Variants in DNAH11 observed in about 807,000 individuals in gnomAD.
DNAH11 encodes axonemal beta dynein heavy chain 11.
In DNAH11, 442 loss-of-function variants were observed where a neutral mutation model predicts 526.0. The ratio of observed to expected loss-of-function variants is 0.84; its 90% CI spans 0.78 to 0.91. The LOEUF (loss-of-function observed/expected upper bound fraction) is 0.91. Ranked by LOEUF, DNAH11 falls within the 40% of genes least tolerant of loss-of-function variation. The pLI is 0.00. For missense variants in DNAH11, 6,989 were observed against 5,448.7 expected (o/e 1.28, Z -8.90); for synonymous variants, 2,461 against 1,935.9 (o/e 1.27, Z -7.12).
At chr7:21,661,347 G>C (rs956090971) in intron 30 of DNAH11, among the ~76,000 whole-genome samples, 1 of 151,920 alleles carries the variant, frequency 6.6e-6, no homozygotes, top group Non-Finnish European at 1.5e-5. Context: ...TTAGGAGTTT[G>C]TGCAGTGGTG....
chr7:21,736,827 A>G (rs1278420693), intron 46 of DNAH11, among the ~76,000 whole-genome samples: 1 of 152,194 alleles, frequency 6.6e-6, no homozygotes, highest in Non-Finnish European at 1.5e-5. Context: ...CTGTCCCCCA[A>G]AAAGAGCCAA....
intron 63 of DNAH11, among the ~76,000 whole-genome samples, chr7:21,813,615 T>C (rs948095095): frequency 3.9e-5 from 6 of 152,208 alleles, no homozygotes; most frequent in East Asian, 1.9e-4. Context: ...TTTGGTGTTA[T>C]AACTAATTTC....
At chr7:21,628,828 T>G (rs1042580416) in intron 25 of DNAH11, among the ~76,000 whole-genome samples, 1 of 152,158 alleles carries the variant, frequency 6.6e-6, no homozygotes, top group Non-Finnish European at 1.5e-5. Context: ...TAAAGGCTTA[T>G]CAATTTTATC....
intron 35 of DNAH11, among the ~76,000 whole-genome samples, chr7:21,694,800 C>T (rs1348383984): frequency 6.6e-6 from 1 of 152,174 alleles, no homozygotes; most frequent in African/African-American, 2.4e-5. Context: ...GGTTGAACCA[C>T]TTTACACTCC....
Position 21,606,679 on chromosome 7 carries a change from A to G in DNAH11, c.3798A>G (p.Arg1266=). The change falls in exon 20 of 82, where the codon AGA becomes AGG. Residue 1266 remains arginine (R), a synonymous_variant. Coordinates refer to ENST00000409508, the MANE Select transcript of DNAH11 (RefSeq NM_001277115.2). ...AKQAEFRERF[R]HYAPLGFNAE... ...AGGCAGAGTTCAGAGAGAGATTCAGACACTATGCCCCTCTTGGATTTAATG... is the reference window on the plus strand; with the variant it reads ...AGGCAGAGTTCAGAGAGAGATTCAGGCACTATGCCCCTCTTGGATTTAATG... 1 of 1,607,456 alleles carries G rather than the reference A, an allele frequency of 6.2e-7. No homozygotes were observed. Among genetic ancestry groups the G allele is most frequent in the Non-Finnish European group, 8.5e-7 (1 of 1,178,686 alleles).
intron 76 of DNAH11, among the ~76,000 whole-genome samples, chr7:21,891,300 A>C (rs1328872499): frequency 2.0e-5 from 3 of 152,332 alleles, no homozygotes; most frequent in Non-Finnish European, 4.4e-5. Context: ...GACTCAGAAA[A>C]TCTAGGTAGA....
At chr7:21,721,150 C>T (rs2965417) in intron 44 of DNAH11, among the ~76,000 whole-genome samples, 3 of 152,208 alleles carry the variant, frequency 2.0e-5, no homozygotes. Context: ...CAAGAAGCCC[C>T]ACTCAGTGTG....
chr7:21,783,875 C>T (rs749665283), intron 57 of DNAH11, among the ~76,000 whole-genome samples: 3 of 152,102 alleles, frequency 2.0e-5, no homozygotes, highest in Non-Finnish European at 4.4e-5. Flanking sequence ...ACCAGTAATT[C>T]GTCTTCACTA....
chr7:21,781,192 C>G (rs911073554), intron 57 of DNAH11, among the ~76,000 whole-genome samples: 6 of 152,190 alleles, frequency 3.9e-5, no homozygotes, highest in African/African-American at 1.4e-4. Context: ...GATCTCAAGT[C>G]TTCAAACATG....
At chr7:21,585,095 G>T (rs997181558) in intron 9 of DNAH11, among the ~76,000 whole-genome samples, 1 of 151,992 alleles carries the variant, frequency 6.6e-6, no homozygotes, top group African/African-American at 2.4e-5. Context: ...TTAGGTAAAA[G>T]GTTTTTTTCT....
chr7:21,583,791 A>G (rs1043691306), intron 9 of DNAH11, among the ~76,000 whole-genome samples: 1 of 152,362 alleles, frequency 6.6e-6, no homozygotes, highest in East Asian at 1.9e-4. Flanking sequence ...ACACTTCTCA[A>G]AAAGAGACAT....
chr7:21,705,927 A>T (rs1344995456), intron 39 of DNAH11, among the ~76,000 whole-genome samples: 1 of 152,210 alleles, frequency 6.6e-6, no homozygotes, highest in Non-Finnish European at 1.5e-5. Flanking sequence ...GTGGAATAAG[A>T]TATCTGGCTG....
At chr7:21,748,794 G>T (rs1786275085) in intron 52 of DNAH11, 52 bp downstream of exon 52, 2 of 1,556,688 alleles carry the variant, frequency 1.3e-6, no homozygotes, top group Admixed American at 3.5e-5. Context: ...GGCAGATAAA[G>T]CCGAGGCTCC....
chr7:21,647,533 C>T (rs1366852249), intron 28 of DNAH11, among the ~76,000 whole-genome samples: 6 of 151,322 alleles, frequency 4.0e-5, no homozygotes, highest in Admixed American at 1.3e-4. Flanking sequence ...AGGTTCACGC[C>T]ATTCTCCTGC....
chr7:21,806,151 G>A (rs1428834662), intron 62 of DNAH11, among the ~76,000 whole-genome samples: 2 of 152,184 alleles, frequency 1.3e-5, no homozygotes, highest in African/African-American at 4.8e-5. Flanking sequence ...GCCAATGTCA[G>A]TAATGATTTA....
chr7:21,588,893 G>A (rs568642322), intron 11 of DNAH11, among the ~76,000 whole-genome samples: 8 of 152,102 alleles, frequency 5.3e-5, no homozygotes, highest in African/African-American at 1.4e-4. Context: ...CATGTTTGGA[G>A]TTTCTCGTTA....
intron 47 of DNAH11, 28 bp from the exon 48 acceptor site, chr7:21,739,543 A>G: frequency 1.3e-6 from 2 of 1,590,780 alleles, no homozygotes; most frequent in Non-Finnish European, 1.7e-6. Flanking sequence ...CAGTTTTTGG[A>G]TTTAAGGTTC....
At chr7:21,622,353 ATGGG>A (rs1217962565) in intron 25 of DNAH11, among the ~76,000 whole-genome samples, 1 of 152,254 alleles carries the variant, frequency 6.6e-6, no homozygotes, top group African/African-American at 2.4e-5. Flanking sequence ...TTCCATGCTC[ATGGG>A]TAAGAAGAAT....
In DNAH11 at chr7:21,544,885, A is replaced by C. The variant is rs904787166; in HGVS notation, c.352-121A>C. The C allele has an allele frequency of 4.1e-6, 3 of 734,094 alleles. No homozygotes were observed. The Admixed American group carries it at 9.5e-5, about 23-fold the overall frequency. 45.5% of individuals were successfully genotyped at this position (734,094 alleles called of 1,614,324 possible). A position where few individuals can be genotyped will look rare whatever the true frequency, so the allele number is the denominator to read the frequency against. ...AGAGCCGTAGAAGGACCTTGTTTAT[A>C]GGGCAGGCAAGATGCCAGGTTTTGT... On this transcript the variant is annotated intron_variant, in intron 1 of 81. Coordinates refer to ENST00000409508, the MANE Select transcript of DNAH11 (RefSeq NM_001277115.2).
Sources: allele counts gnomAD v4.1 joint callset (sites outside exome capture counted in the v4.1 genomes callset), GRCh38; gene constraint gnomAD v4.1.1; transcripts MANE v1.5; gene names NCBI Gene and HGNC (gene_info 2026-07-23, HGNC 2026-07-21).